The following SYT6 variants were observed in gnomAD, a reference collection of about 807,000 sequenced individuals.
SYT6 encodes synaptotagmin-6.
A neutral mutation model predicts 38.4 loss-of-function variants in SYT6; 24 were observed. The ratio of observed to expected loss-of-function variants is 0.62; its 90% confidence interval spans 0.45 to 0.88. The LOEUF (loss-of-function observed/expected upper bound fraction) is 0.88, where lower values mean the gene tolerates loss of function less well. Ranked by LOEUF, SYT6 falls within the 40% of genes least tolerant of loss-of-function variation. The pLI, the probability that SYT6 is intolerant of heterozygous loss-of-function variation, is 0.00. For missense variants in SYT6, 611 were observed against 621.0 expected, an observed-to-expected ratio of 0.98 and a Z score of 0.17; for synonymous variants, 265 against 241.9, an observed-to-expected ratio of 1.10 and a Z score of -0.89.
At chr1:114,129,845 T>G (rs1234839853) in intron 3 of SYT6, among the ~76,000 whole-genome samples, 3 of 151,082 alleles carry the variant, frequency 2.0e-5, no homozygotes, top group Admixed American at 6.6e-5. Context: ...CCTGTTTTTT[T>G]TTTTTTTTTT....
chr1:114,094,882 G>T lies in SYT6; in HGVS notation c.1516-1079C>A, dbSNP rs147233067. Among the ~76,000 whole-genome samples the T allele has an allele frequency of 3.0e-3, 463 of 152,306 alleles. 3 individuals are homozygous for T. Among genetic ancestry groups the T allele is most frequent in the Non-Finnish European group, 5.4e-3 (366 of 68,028 alleles). ...CAGGATGTGAGCTCTGAGGATGAGCGGGAGGATTGCCTCCAAGCACAATGC... is the reference window on the plus strand; with the variant it reads ...CAGGATGTGAGCTCTGAGGATGAGCTGGAGGATTGCCTCCAAGCACAATGC... On this transcript the variant is annotated intron_variant, in intron 6 of 7. Transcript: ENST00000610222.
intron 3 of SYT6, among the ~76,000 whole-genome samples, chr1:114,117,345 C>A (rs921660123): frequency 8.5e-5 from 13 of 152,202 alleles, no homozygotes; most frequent in Admixed American, 2.0e-4. Flanking sequence ...TGTTTGTAAG[C>A]CTTTCATTCT....
At chr1:114,094,913 G>C (rs1021532409) in intron 6 of SYT6, among the ~76,000 whole-genome samples, 1 of 152,232 alleles carries the variant, frequency 6.6e-6, no homozygotes, top group African/African-American at 2.4e-5. Flanking sequence ...AATGCATCGC[G>C]TGGACACAAG....
intron 3 of SYT6, among the ~76,000 whole-genome samples, chr1:114,105,242 C>T (rs1676217244): frequency 6.6e-6 from 1 of 152,084 alleles, no homozygotes; most frequent in Admixed American, 6.5e-5. Flanking sequence ...TCGAGGGTGA[C>T]ACCAGGGTTT....
chr1:114,149,033 T>G (rs937768250), intron 1 of SYT6, among the ~76,000 whole-genome samples: 8 of 152,104 alleles, frequency 5.3e-5, no homozygotes, highest in Admixed American at 2.0e-4. Flanking sequence ...CTTTTTGGCC[T>G]GACCCTATGA....
chr1:114,107,908 T>C (rs1161902264), intron 3 of SYT6, among the ~76,000 whole-genome samples: 1 of 152,190 alleles, frequency 6.6e-6, no homozygotes, highest in Non-Finnish European at 1.5e-5. Context: ...ATTGCTTTCA[T>C]CTTCACCTGC....
intron 3 of SYT6, among the ~76,000 whole-genome samples, chr1:114,115,949 C>T (rs781707173): frequency 3.3e-5 from 5 of 152,070 alleles, no homozygotes; most frequent in Non-Finnish European, 5.9e-5. Context: ...ACCTTCTGTC[C>T]CTGGTTATTG....
chr1:114,120,019 C>T (rs1056865196), intron 3 of SYT6, among the ~76,000 whole-genome samples: 3 of 148,678 alleles, frequency 2.0e-5, no homozygotes, highest in African/African-American at 5.0e-5. Flanking sequence ...TGCAGTGAGC[C>T]GAGATCGCAC....
chr1:114,103,608 G>C lies in SYT6; in HGVS notation c.1185C>G (p.Gly395=), dbSNP rs1676092935. 6.2e-7 allele frequency: 1 copy of C among 1,614,096 alleles called. No individual in the cohort carries two copies. The highest frequency in any genetic ancestry group is 1.3e-5 in the African/African-American group (1 of 74,936). The change falls in exon 4 of 8, where the codon GGC becomes GGG. Residue 395 remains glycine (G), a synonymous_variant. Transcript: ENST00000610222. ...TTGGGTTAAGAGAGGTACCTGAATAGCCTGTGATGTCCATCGCCTTGAGGT... is the reference window on the plus strand; with the variant it reads ...TTGGGTTAAGAGAGGTACCTGAATACCCTGTGATGTCCATCGCCTTGAGGT... ...CRNLKAMDIT[G]YSDPYVKVSL...
chr1:114,129,832 AC>A (rs1316101704), intron 3 of SYT6, among the ~76,000 whole-genome samples: 1 of 118,230 alleles, frequency 8.5e-6, no homozygotes, highest in African/African-American at 3.1e-5. Context: ...ATGCACCACC[AC>A]ACCTGTTTTT....
At chr1:114,111,761 G>A (rs1349807008) in intron 3 of SYT6, among the ~76,000 whole-genome samples, 3 of 58,030 alleles carry the variant, frequency 5.2e-5, no homozygotes, top group Non-Finnish European at 1.3e-4. Flanking sequence ...AAACTGCCGG[G>A]TGAGGGGCTG....
At chr1:114,125,903 C>G (rs939655171) in intron 3 of SYT6, among the ~76,000 whole-genome samples, 3 of 152,076 alleles carry the variant, frequency 2.0e-5, no homozygotes, top group African/African-American at 7.2e-5. Context: ...AAAAGACTAA[C>G]TTTTGGGAGA....
chr1:114,125,974 C>A (rs1677705348), intron 3 of SYT6, among the ~76,000 whole-genome samples: 1 of 152,136 alleles, frequency 6.6e-6, no homozygotes, highest in African/African-American at 2.4e-5. Context: ...CAAATTCTGT[C>A]TTTCACCTCT....
chr1:114,119,393 C>T (rs1378083201), intron 3 of SYT6, among the ~76,000 whole-genome samples: 2 of 152,226 alleles, frequency 1.3e-5, no homozygotes, highest in African/African-American at 4.8e-5. Context: ...CTACCTACCT[C>T]TAACACTGGA....
intron 3 of SYT6, among the ~76,000 whole-genome samples, chr1:114,126,311 G>A (rs769805564): frequency 6.6e-6 from 1 of 152,134 alleles, no homozygotes; most frequent in African/African-American, 2.4e-5. Context: ...CATGGTCCGC[G>A]GGAAAATGTG....
chr1:114,095,168 A>T (rs904402426), intron 6 of SYT6, among the ~76,000 whole-genome samples: 1 of 152,222 alleles, frequency 6.6e-6, no homozygotes, highest in Non-Finnish European at 1.5e-5. Flanking sequence ...TCAGGAAAAA[A>T]GTAAACCCAA....
At chr1:114,133,909 G>C (rs1678325051) in intron 3 of SYT6, among the ~76,000 whole-genome samples, 1 of 152,190 alleles carries the variant, frequency 6.6e-6, no homozygotes. Flanking sequence ...CTTGAGCTCA[G>C]GGTTCTGTGG....
At chr1:114,106,108 G>A (rs1676296025) in intron 3 of SYT6, among the ~76,000 whole-genome samples, 1 of 152,180 alleles carries the variant, frequency 6.6e-6, no homozygotes, top group African/African-American at 2.4e-5. Flanking sequence ...TCCTGCGGCA[G>A]GGGGCAGATC....
In SYT6 at chr1:114,100,396, G is replaced by A. The variant is rs139999507; in HGVS notation, c.1193-1131C>T. Among the ~76,000 whole-genome samples, 599 of 152,226 alleles carry A rather than the reference G, an allele frequency of 3.9e-3. 1 individual carries two copies. The highest frequency in any genetic ancestry group is 5.1e-3 in the Non-Finnish European group (350 of 68,026). ...CATATGGTTCTATCTCCTGGACATC[G>A]AGCACCCACTAGGGCCCTGTACTCC... On this transcript the variant is annotated intron_variant, in intron 4 of 7. Transcript: ENST00000610222.
Sources: allele counts gnomAD v4.1 joint callset (sites outside exome capture counted in the v4.1 genomes callset), GRCh38; gene constraint gnomAD v4.1.1; transcripts MANE v1.5; gene names NCBI Gene and HGNC (gene_info 2026-07-23, HGNC 2026-07-21).